Variants in NKIRAS1 observed in about 807,000 individuals in gnomAD.
NKIRAS1 encodes the protein NF-kappa-B inhibitor-interacting Ras-like protein 1.
A neutral mutation model predicts 19.8 loss-of-function variants in NKIRAS1; 16 were observed. The ratio of observed to expected loss-of-function variants is 0.81; its 90% confidence interval spans 0.55 to 1.23. The LOEUF (loss-of-function observed/expected upper bound fraction) is 1.23, where lower values mean the gene tolerates loss of function less well. Ranked by LOEUF, NKIRAS1 falls within the 50% of genes most tolerant of loss-of-function variation. The pLI, the probability that NKIRAS1 is intolerant of heterozygous loss-of-function variation, is 0.00. For synonymous variants in NKIRAS1, 88 were observed against 79.0 expected (o/e 1.11, Z -0.61); for missense variants, 184 against 220.0 (o/e 0.84, Z 1.04).
At chr3:23,933,153 T>C (rs1042012776) in intron 1 of NKIRAS1, among the ~76,000 whole-genome samples, 1 of 152,174 alleles carries the variant, frequency 6.6e-6, no homozygotes, top group Non-Finnish European at 1.5e-5. Context: ...CATACCTGTG[T>C]ATTGTGTTAA....
intron 1 of NKIRAS1, among the ~76,000 whole-genome samples, chr3:23,939,399 G>T (rs566608633): frequency 6.6e-6 from 1 of 152,246 alleles, no homozygotes; most frequent in African/African-American, 2.4e-5. Flanking sequence ...GTAAATAAAA[G>T]TTTTGTAGGA....
upstream of NKIRAS1, chr3:23,919,504 T>G (rs4024643): frequency 4.5e-6 from 7 of 1,558,206 alleles, no homozygotes; most frequent in South Asian, 3.5e-5. Flanking sequence ...ACCGCTAATA[T>G]AAGTAAAGTT....
chr3:23,935,101 G>C (rs560382763), intron 1 of NKIRAS1, among the ~76,000 whole-genome samples: 190 of 151,988 alleles, frequency 1.3e-3, no homozygotes, highest in African/African-American at 4.4e-3. Flanking sequence ...GCCCAGGCTG[G>C]TCTCAAACTC....
chr3:23,920,020 C>G (rs1191407380), upstream of NKIRAS1: 1 of 986,402 alleles, frequency 1.0e-6, no homozygotes, highest in African/African-American at 1.7e-5. Context: ...GCTCCTGGTT[C>G]AGTGCCATGG....
chr3:23,941,279 C>T (rs1466429493), intron 1 of NKIRAS1, among the ~76,000 whole-genome samples: 1 of 152,188 alleles, frequency 6.6e-6, no homozygotes, highest in Non-Finnish European at 1.5e-5. Flanking sequence ...CAGTGCGCCA[C>T]TTGGCCTATC....
intron 4 of NKIRAS1, among the ~76,000 whole-genome samples, chr3:23,894,493 T>C (rs1169187667): frequency 6.6e-6 from 1 of 152,182 alleles, no homozygotes; most frequent in Non-Finnish European, 1.5e-5. Context: ...CCTCCTGTCA[T>C]TCTTCATCAC....
At chr3:23,929,564 C>G (rs1251846627) in intron 1 of NKIRAS1, among the ~76,000 whole-genome samples, 4 of 151,904 alleles carry the variant, frequency 2.6e-5, no homozygotes, top group Non-Finnish European at 5.9e-5. Context: ...GTAGTAGGGA[C>G]TAGAGTTATG....
In NKIRAS1 at chr3:23,916,856, C is replaced by T. The variant is rs1048798504; in HGVS notation, c.-212G>A. ...GGCCACCGGCTTTGGAGCCTGGACCCCAACTTGCCTCCTCTCGCGGAGAGA... is the reference window on the plus strand; with the variant it reads ...GGCCACCGGCTTTGGAGCCTGGACCTCAACTTGCCTCCTCTCGCGGAGAGA... On this transcript the variant is annotated 5_prime_UTR_variant, in exon 1 of 5. Transcript: ENST00000425478. The T allele has an allele frequency of 6.5e-6, 1 of 152,850 alleles. No individual in the cohort carries two copies. Among genetic ancestry groups the T allele is most frequent in the Non-Finnish European group, 1.5e-5 (1 of 68,168 alleles). 9.5% of individuals were successfully genotyped at this position (152,850 alleles called of 1,614,324 possible).
rs1701374471 is a variant in NKIRAS1, at chr3:23,890,451, C to T, written c.*2644G>A. Reference sequence around the variant, plus strand: ...TATCTACCCAAGCTGTCACTATTCGCTAAAGTTTAAAATGTTCTTTTCCTT... The same window carrying T: ...TATCTACCCAAGCTGTCACTATTCGTTAAAGTTTAAAATGTTCTTTTCCTT... On this transcript the variant is annotated 3_prime_UTR_variant, in exon 5 of 5. Transcript: ENST00000425478. 3 of 1,557,796 alleles carry T rather than the reference C, an allele frequency of 1.9e-6. No homozygotes were observed. The highest frequency in any genetic ancestry group is 2.6e-6 in the Non-Finnish European group (3 of 1,144,764).
At position 23,928,100 on chromosome 3, in the gene NKIRAS1, C is replaced by CCACACACACACACA. The variant is rs66482461; in HGVS notation, c.-139-16664_-139-16651dup. On this transcript the variant is annotated intron_variant, in intron 1 of 4. Transcript: ENST00000421515. ...TCTCTCTCCTCTCTCTCTCTACACA[C>CCACACACACACACA]CACACACACACACACACACACACAC... 1.3e-4 allele frequency among the ~76,000 whole-genome samples: 19 copies of CCACACACACACACA among 146,194 alleles called. 1 individual carries two copies. In the East Asian group the frequency reaches 2.0e-3, roughly 16 times the overall value.
intron 1 of NKIRAS1, among the ~76,000 whole-genome samples, chr3:23,928,253 G>C (rs1705243431): frequency 1.3e-5 from 2 of 150,800 alleles, no homozygotes; most frequent in South Asian, 4.2e-4. Flanking sequence ...TTGCACCACT[G>C]CACTCCAGCC....
At chr3:23,908,315 C>T (rs1043529764) in intron 3 of NKIRAS1, among the ~76,000 whole-genome samples, 2 of 152,122 alleles carry the variant, frequency 1.3e-5, no homozygotes, top group African/African-American at 4.8e-5. Context: ...ACTGCAATAA[C>T]CTTTAAGTAA....
At chr3:23,945,801 C>G (rs1448680537) in intron 1 of NKIRAS1, among the ~76,000 whole-genome samples, 3 of 150,502 alleles carry the variant, frequency 2.0e-5, no homozygotes, top group Non-Finnish European at 4.5e-5. Context: ...AAAGCCGCAG[C>G]GCGGCCTGCC....
At chr3:23,921,572 T>TTTG, upstream of NKIRAS1, 2 of 294,198 alleles carry the variant, frequency 6.8e-6, no homozygotes, top group Non-Finnish European at 1.1e-5. Flanking sequence ...ATTATTGAGT[T>TTTG]TTTTTTTTTT....
At chr3:23,909,513 T>A (rs1372945660) in intron 3 of NKIRAS1, among the ~76,000 whole-genome samples, 2 of 152,156 alleles carry the variant, frequency 1.3e-5, no homozygotes, top group East Asian at 3.8e-4. Flanking sequence ...GGAGACAGGG[T>A]GAGACTCCAT....
upstream of NKIRAS1, among the ~76,000 whole-genome samples, chr3:23,921,155 A>G (rs2001209): frequency 0.39 from 59,399 of 152,008 alleles, 13,668 homozygotes; most frequent in African/African-American, 0.64. Context: ...CTTAAACATG[A>G]CTAATTTGGG....
At position 23,942,245 on chromosome 3, in the gene NKIRAS1, C is replaced by T. The variant is rs185241334; in HGVS notation, c.-140+4078G>A. Among the ~76,000 whole-genome samples the T allele has an allele frequency of 3.6e-3, 555 of 152,124 alleles. 3 individuals carry two copies. The highest frequency in any genetic ancestry group is 0.013 in the African/African-American group (521 of 41,478). ...CCGCCTGCCTTGACCTCTCAAAGTGCTGGGATTACAAGCGTGAGCCACCGC... is the reference window on the plus strand; with the variant it reads ...CCGCCTGCCTTGACCTCTCAAAGTGTTGGGATTACAAGCGTGAGCCACCGC... On this transcript the variant is annotated intron_variant, in intron 1 of 4. Coordinates refer to the NKIRAS1 transcript ENST00000421515.
rs766685636 is a variant in NKIRAS1 at position 23,910,860 on chromosome 3, C to T, written c.45G>A (p.Val15=). 7 of 1,614,168 alleles carry T rather than the reference C, an allele frequency of 4.3e-6. No individual in the cohort carries two copies. The highest frequency in any genetic ancestry group is 5.9e-6 in the Non-Finnish European group (7 of 1,180,018). Residue 15 remains valine, a synonymous_variant, in exon 3 of 5, where the codon GTG becomes GTA. Coordinates refer to ENST00000425478, the MANE Select transcript of NKIRAS1 (RefSeq NM_020345.4). The part of the protein sequence containing the change: ...CKVVVCGLLS[V]GKTAILEQLL... ...GCTGCTCCAAAATTGCAGTTTTCCC[C>T]ACAGATAACAATCCACAAACCACAA...
At chr3:23,911,658 G>A (rs34832924) in intron 1 of NKIRAS1, among the ~76,000 whole-genome samples, 93 of 152,160 alleles carry the variant, frequency 6.1e-4, no homozygotes, top group African/African-American at 2.0e-3. Context: ...AAGGAGGCAT[G>A]AGGATAAAGT....
Sources: gnomAD v4.1 joint callset for allele counts (sites outside exome capture counted in the v4.1 genomes callset) on GRCh38, gnomAD v4.1.1 for gene constraint, MANE v1.5 for transcripts, NCBI Gene and HGNC (gene_info 2026-07-23, HGNC 2026-07-21) for gene names.